The following TRERF1 variants were observed in gnomAD, a reference collection of about 807,000 sequenced individuals.
TRERF1 encodes the protein transcriptional-regulating factor 1.
Under a neutral mutation model 122.9 loss-of-function variants are expected in TRERF1, and 27 were observed. The ratio of observed to expected loss-of-function variants is 0.22; its 90% CI spans 0.16 to 0.30. TRERF1 has a LOEUF of 0.30. Among genes scored for constraint, TRERF1 ranks in the 10% least tolerant of loss-of-function variants. The pLI, the probability that TRERF1 is intolerant of heterozygous loss-of-function variation, is 1.00. For synonymous variants in TRERF1, 636 were observed against 641.7 expected (o/e 0.99, Z 0.13); for missense variants, 1,248 against 1,560.3 (o/e 0.80, Z 3.37).
chr6:42,336,471 C>T (rs1213646065), intron 3 of TRERF1, among the ~76,000 whole-genome samples: 1 of 152,114 alleles, frequency 6.6e-6, no homozygotes, highest in Non-Finnish European at 1.5e-5. Flanking sequence ...ACCTCCCAAC[C>T]TTGGTCAGGA....
chr6:42,401,265 T>C (rs1465277065), intron 2 of TRERF1, among the ~76,000 whole-genome samples: 1 of 152,208 alleles, frequency 6.6e-6, no homozygotes, highest in Admixed American at 6.5e-5. Flanking sequence ...AACTACCAGT[T>C]ACCCAGAAGG....
intron 4 of TRERF1, among the ~76,000 whole-genome samples, chr6:42,299,393 G>T (rs1443189617): frequency 6.6e-6 from 1 of 152,090 alleles, no homozygotes; most frequent in Non-Finnish European, 1.5e-5. Flanking sequence ...AAAGATGGTA[G>T]AAATAAATCC....
intron 3 of TRERF1, among the ~76,000 whole-genome samples, chr6:42,323,944 T>A (rs1763881884): frequency 6.6e-6 from 1 of 152,214 alleles, no homozygotes; most frequent in South Asian, 2.1e-4. Flanking sequence ...CAGAACAGAT[T>A]GTTGCCAAAG....
intron 4 of TRERF1, among the ~76,000 whole-genome samples, chr6:42,292,346 A>G (rs182056027): frequency 6.6e-6 from 1 of 152,214 alleles, no homozygotes; most frequent in East Asian, 1.9e-4. Flanking sequence ...GGGAAGAGAG[A>G]AGGGCAGCCT....
At chr6:42,402,524 G>A (rs1779540115) in intron 2 of TRERF1, among the ~76,000 whole-genome samples, 1 of 152,168 alleles carries the variant, frequency 6.6e-6, no homozygotes. Flanking sequence ...GAAGGCAGGG[G>A]GAAGGGGGGT....
At chr6:42,305,363 C>G (rs1054627777) in intron 3 of TRERF1, among the ~76,000 whole-genome samples, 2 of 152,198 alleles carry the variant, frequency 1.3e-5, no homozygotes, top group Non-Finnish European at 2.9e-5. Context: ...CCCACAGCCC[C>G]ACGCTGCTAT....
chr6:42,366,044 A>G (rs949111050), intron 2 of TRERF1, among the ~76,000 whole-genome samples: 1 of 151,928 alleles, frequency 6.6e-6, no homozygotes, highest in African/African-American at 2.4e-5. Context: ...CAGTCCATGC[A>G]CCCCGTCAAG....
At chr6:42,344,056 C>A (rs1432055473) in intron 3 of TRERF1, among the ~76,000 whole-genome samples, 1 of 152,212 alleles carries the variant, frequency 6.6e-6, no homozygotes, top group Non-Finnish European at 1.5e-5. Context: ...GAATTGGAGG[C>A]CAACGCTTCC....
At position 42,268,543 on chromosome 6, in the gene TRERF1, A is replaced by G. The variant is rs144939636; in HGVS notation, c.1048T>C (p.Ser350Pro). ...TACTGGTGAGGGTCCCTGTGATAAGAAGGAGGCTGCAGGTGCATCTGTTGC... is the reference window on the plus strand; with the variant it reads ...TACTGGTGAGGGTCCCTGTGATAAGGAGGAGGCTGCAGGTGCATCTGTTGC... Residue 350 changes from serine to proline, a missense_variant, in exon 5 of 18, where the codon TCT (serine) becomes CCT (proline). By Grantham distance (74) the Ser-to-Pro change is moderately conservative. This residue lies in a region of TRERF1 where 946 missense variants were observed against 1,073.0 expected (regional missense o/e 0.88). Coordinates refer to ENST00000372922, the Ensembl canonical transcript of TRERF1. The surrounding 1 kb of genome is among the most constrained non-coding windows in gnomAD (Gnocchi z 4.4). 1.8e-4 allele frequency: 288 copies of G among 1,613,994 alleles called. 1 individual carries two copies. Among genetic ancestry groups the G allele is most frequent in the Middle Eastern group, 8.2e-4 (5 of 6,062 alleles).
chr6:42,380,184 T>C (rs1775672890), intron 2 of TRERF1, among the ~76,000 whole-genome samples: 1 of 107,862 alleles, frequency 9.3e-6, no homozygotes, highest in African/African-American at 3.6e-5. Context: ...TCCAGTGTGG[T>C]AACAGTGAGG....
At chr6:42,406,701 TGTCCCTC>T (rs1780229893) in intron 2 of TRERF1, among the ~76,000 whole-genome samples, 1 of 152,058 alleles carries the variant, frequency 6.6e-6, no homozygotes, top group South Asian at 2.1e-4. Flanking sequence ...GTGGCCCCAA[TGTCCCTC>T]GTCTTAAAAA....
chr6:42,309,925 G>A (rs544212800), intron 3 of TRERF1, among the ~76,000 whole-genome samples: 7 of 150,852 alleles, frequency 4.6e-5, no homozygotes, highest in South Asian at 2.1e-4. Flanking sequence ...ACAAACATGC[G>A]CCACCAGGGG....
intron 3 of TRERF1, among the ~76,000 whole-genome samples, chr6:42,329,813 AC>A (rs201904858): frequency 0.012 from 1,828 of 152,036 alleles, 31 homozygotes; most frequent in African/African-American, 0.04. Flanking sequence ...ACATGGTGAA[AC>A]CCCATCTCTA....
chr6:42,449,134 A>G (rs1246820469), intron 2 of TRERF1, among the ~76,000 whole-genome samples: 2 of 152,268 alleles, frequency 1.3e-5, no homozygotes, highest in Non-Finnish European at 2.9e-5. Flanking sequence ...GCAAGCTCAC[A>G]TAAATGCTAT....
chr6:42,362,181 G>A (rs1398119869), intron 3 of TRERF1, among the ~76,000 whole-genome samples: 1 of 152,146 alleles, frequency 6.6e-6, no homozygotes, highest in Non-Finnish European at 1.5e-5. Context: ...CGAGCCACGT[G>A]TTTCCGACTG....
chr6:42,251,338 T>C (rs1032000038), intron 13 of TRERF1, among the ~76,000 whole-genome samples: 3 of 152,206 alleles, frequency 2.0e-5, no homozygotes, highest in African/African-American at 4.8e-5. Flanking sequence ...GACATGTTCA[T>C]TGCAGAAAAA....
chr6:42,310,132 C>T (rs746295913), intron 3 of TRERF1, among the ~76,000 whole-genome samples: 2 of 151,982 alleles, frequency 1.3e-5, no homozygotes, highest in Non-Finnish European at 2.9e-5. Context: ...GAAACGGGGC[C>T]TCACTCTGTC....
chr6:42,341,657 C>T (rs1306181362), intron 3 of TRERF1, among the ~76,000 whole-genome samples: 1 of 152,136 alleles, frequency 6.6e-6, no homozygotes, highest in Non-Finnish European at 1.5e-5. Context: ...ATGCCAAGGC[C>T]CCAGGTCTAC....
chr6:42,336,429 C>G (rs1160622940), intron 3 of TRERF1, among the ~76,000 whole-genome samples: 2 of 152,100 alleles, frequency 1.3e-5, no homozygotes, highest in African/African-American at 4.8e-5. Context: ...CTGAGATCAT[C>G]ATAGAGTCAG....
Sources: gnomAD v4.1 joint callset for allele counts (sites outside exome capture counted in the v4.1 genomes callset) on GRCh38, gnomAD v4.1.1 for gene constraint, gnomAD v4.1.1 regional missense constraint, Gnocchi (gnomAD v3.1) non-coding constraint, MANE v1.5 for transcripts, NCBI Gene and HGNC (gene_info 2026-07-23, HGNC 2026-07-21) for gene names.